Variants in ABCB1 observed in about 807,000 individuals in gnomAD.
ABCB1 encodes the protein ATP-dependent translocase ABCB1.
ABCB1 carries 69 observed loss-of-function variants against 142.0 expected under a neutral mutation model. That is an observed-to-expected ratio of 0.49 (90% CI 0.40 to 0.59). The LOEUF (loss-of-function observed/expected upper bound fraction) is 0.59, where lower values mean the gene tolerates loss of function less well. Among genes scored for constraint, ABCB1 ranks in the 20% least tolerant of loss-of-function variants. The pLI, the probability that ABCB1 is intolerant of heterozygous loss-of-function variation, is 0.00. For synonymous variants in ABCB1, 532 were observed against 539.2 expected (o/e 0.99, Z 0.18); for missense variants, 1,326 against 1,554.7 (o/e 0.85, Z 2.47).
chr7:87,693,384 A>G (rs1828189697), intron 1 of ABCB1, among the ~76,000 whole-genome samples: 1 of 152,222 alleles, frequency 6.6e-6, no homozygotes, highest in Non-Finnish European at 1.5e-5. Context: ...TAGGCAAAAA[A>G]TGAATGGCTA....
intron 16 of ABCB1, 138 bp downstream of exon 16, chr7:87,544,685 A>G: frequency 1.2e-6 from 1 of 831,384 alleles, no homozygotes; most frequent in African/African-American, 1.7e-5. Context: ...CTGATTCTAA[A>G]ATGTTGACAT....
At chr7:87,581,921 A>G (rs1384777496) in intron 4 of ABCB1, among the ~76,000 whole-genome samples, 3 of 152,146 alleles carry the variant, frequency 2.0e-5, no homozygotes, top group Admixed American at 1.3e-4. Flanking sequence ...CTCGGGCCCC[A>G]AGAATTTAGT....
intron 8 of ABCB1, among the ~76,000 whole-genome samples, chr7:87,560,752 G>A (rs1817527397): frequency 6.6e-6 from 1 of 152,084 alleles, no homozygotes; most frequent in African/African-American, 2.4e-5. Flanking sequence ...TATGCTTTCA[G>A]AAATCTAATA....
chr7:87,567,779 T>C (rs1463269552), intron 5 of ABCB1, among the ~76,000 whole-genome samples: 1 of 152,130 alleles, frequency 6.6e-6, no homozygotes, highest in Non-Finnish European at 1.5e-5. Context: ...TAATGTTTCC[T>C]TGCTCTGAGT....
rs1010676967 is a variant in ABCB1, at chr7:87,622,323, AAAAT to A, written c.-330-21249_-330-21246del. Among the ~76,000 whole-genome samples, 358 of 152,316 alleles carry A rather than the reference AAAAT, an allele frequency of 2.4e-3. 3 individuals carry two copies. The highest frequency in any genetic ancestry group is 8.4e-3 in the African/African-American group (349 of 41,576). On this transcript the variant is annotated intron_variant, in intron 1 of 28. Transcript: ENST00000265724. ...AAACATAAATGAACAATAAGTGCAC[AAAAT>A]AAATGTGCATTTTCATTACTAATGA...
chr7:87,644,826 T>C (rs1822820214), intron 1 of ABCB1, among the ~76,000 whole-genome samples: 2 of 151,936 alleles, frequency 1.3e-5, no homozygotes, highest in Admixed American at 1.3e-4. Flanking sequence ...TAAAAATAAT[T>C]TCTAATAAAA....
intron 1 of ABCB1, among the ~76,000 whole-genome samples, chr7:87,711,657 A>T (rs1330431674): frequency 1.3e-5 from 2 of 152,174 alleles, no homozygotes; most frequent in African/African-American, 4.8e-5. Flanking sequence ...CCACTAACAC[A>T]TGCCATGTAT....
In ABCB1 at chr7:87,553,786, T is replaced by C. The variant is rs1817193385; in HGVS notation, c.974A>G (p.Glu325Gly). 1 of 1,614,008 alleles carries C rather than the reference T, an allele frequency of 6.2e-7. No individual in the cohort carries two copies. Among genetic ancestry groups the C allele is most frequent in the African/African-American group, 1.3e-5 (1 of 74,910 alleles). Residue 325 changes from glutamate to glycine, a missense_variant, in exon 9 of 28, where the codon GAA becomes GGA. Transcript: ENST00000622132. Reference sequence around the variant, plus strand: ...AGTGAGTACTTGTCCAATAGAATATTCCCCTGAGAGGACCAAGGTGGTCCC... The same window carrying C: ...AGTGAGTACTTGTCCAATAGAATATCCCCCTGAGAGGACCAAGGTGGTCCC... ...WYGTTLVLSG[E>G]YSIGQVLTVF... is the part of the protein sequence containing the mutation.
intron 3 of ABCB1, among the ~76,000 whole-genome samples, chr7:87,593,735 G>C (rs959460748): frequency 1.3e-5 from 2 of 152,200 alleles, no homozygotes; most frequent in African/African-American, 4.8e-5. Flanking sequence ...TCTCTAATGA[G>C]CTTCTCTGAT....
chr7:87,665,327 C>G lies in ABCB1; in HGVS notation c.-331+47834G>C, dbSNP rs1193489277. On this transcript the variant is annotated intron_variant, in intron 1 of 28. Coordinates refer to the ABCB1 transcript ENST00000265724. Reference sequence around the variant, plus strand: ...TATCCAAAAATAGAAATTAAGAAAACAGTTCCATTTCCATCAGAAAAGAAT... The same window carrying G: ...TATCCAAAAATAGAAATTAAGAAAAGAGTTCCATTTCCATCAGAAAAGAAT... Among the ~76,000 whole-genome samples, 4 of 151,896 alleles carry G rather than the reference C, an allele frequency of 2.6e-5. No individual in the cohort carries two copies. The East Asian group carries it at 7.7e-4, about 29-fold the overall frequency.
chr7:87,671,730 A>G (rs1825842246), intron 1 of ABCB1, among the ~76,000 whole-genome samples: 1 of 152,116 alleles, frequency 6.6e-6, no homozygotes, highest in South Asian at 2.1e-4. Flanking sequence ...CAGTCTTACC[A>G]TGTGTTGGTA....
chr7:87,665,217 G>A (rs1325608480), intron 1 of ABCB1, among the ~76,000 whole-genome samples: 1 of 151,958 alleles, frequency 6.6e-6, no homozygotes, highest in African/African-American at 2.4e-5. Flanking sequence ...CCAAAAAATG[G>A]TTAGAATTAA....
At chr7:87,603,454 C>T (rs1047266613), upstream of ABCB1, among the ~76,000 whole-genome samples, 1 of 152,188 alleles carries the variant, frequency 6.6e-6, no homozygotes, top group African/African-American at 2.4e-5. Flanking sequence ...TCCAGTCCCA[C>T]GAAGTGTTTT....
chr7:87,606,864 C>T (rs1214737694), intron 1 of ABCB1, among the ~76,000 whole-genome samples: 1 of 151,946 alleles, frequency 6.6e-6, no homozygotes, highest in Non-Finnish European at 1.5e-5. Context: ...GATGAGAATG[C>T]ATTTTCAGAA....
At chr7:87,665,254 A>G (rs1247229436) in intron 1 of ABCB1, among the ~76,000 whole-genome samples, 1 of 152,208 alleles carries the variant, frequency 6.6e-6, no homozygotes, top group African/African-American at 2.4e-5. Context: ...GTATGATACA[A>G]AATCAACATA....
chr7:87,541,494 T>C (rs201816358), intron 17 of ABCB1, 30 bp from the exon 18 acceptor site: 6 of 1,474,866 alleles, frequency 4.1e-6, no homozygotes, highest in Admixed American at 1.7e-5. Flanking sequence ...GGATTTTTAG[T>C]TCAATCAGTG....
At chr7:87,629,084 G>C in intron 1 of ABCB1, 1 of 819,462 alleles carries the variant, frequency 1.2e-6, no homozygotes. Flanking sequence ...CCAAATCTGT[G>C]AGCGCGCAGC....
upstream of ABCB1, among the ~76,000 whole-genome samples, chr7:87,601,674 C>T (rs1414341150): frequency 6.6e-6 from 1 of 152,234 alleles, no homozygotes; most frequent in Non-Finnish European, 1.5e-5. Flanking sequence ...TACGTGCAAT[C>T]TGCACAATTC....
intron 1 of ABCB1, among the ~76,000 whole-genome samples, chr7:87,646,838 G>A (rs1267184615): frequency 6.6e-6 from 1 of 151,966 alleles, no homozygotes; most frequent in Non-Finnish European, 1.5e-5. Flanking sequence ...TTATCTTTTT[G>A]TTTCTATCCA....
Sources: gnomAD v4.1 joint callset for allele counts (sites outside exome capture counted in the v4.1 genomes callset) on GRCh38, gnomAD v4.1.1 for gene constraint, MANE v1.5 for transcripts, NCBI Gene and HGNC (gene_info 2026-07-23, HGNC 2026-07-21) for gene names.